Variants in CERT1 observed in about 807,000 individuals in gnomAD.
CERT1 encodes ceramide transporter 1, also known as ceramide transfer protein.
CERT1 carries 31 observed loss-of-function variants against 87.9 expected under a neutral mutation model. The ratio of observed to expected loss-of-function variants is 0.35; its 90% CI spans 0.27 to 0.48. CERT1 has a LOEUF of 0.48. Among genes scored for constraint, CERT1 ranks in the 20% least tolerant of loss-of-function variants. The probability of loss-of-function intolerance (pLI) is 0.99; values close to 1 mark genes in which losing one functional copy is unlikely to be tolerated. For synonymous variants in CERT1, 289 were observed against 250.9 expected, an observed-to-expected ratio of 1.15 and a Z score of -1.44; for missense variants, 487 against 758.0, an observed-to-expected ratio of 0.64 and a Z score of 4.20.
At chr5:75,398,242 A>G (rs1309301712) in intron 11 of CERT1, among the ~76,000 whole-genome samples, 5 of 152,224 alleles carry the variant, frequency 3.3e-5, no homozygotes, top group Admixed American at 2.0e-4. Context: ...TTATAAACAT[A>G]AAAATAATAG....
intron 5 of CERT1, among the ~76,000 whole-genome samples, chr5:75,424,444 T>C (rs1763515681): frequency 6.6e-6 from 1 of 151,776 alleles, no homozygotes; most frequent in African/African-American, 2.4e-5. Flanking sequence ...TGGTGGCACG[T>C]GCCTGTAATC....
downstream of CERT1, chr5:75,376,849 T>C (rs1174639213): frequency 6.6e-6 from 1 of 152,210 alleles, no homozygotes; most frequent in African/African-American, 2.4e-5. Flanking sequence ...ACAATAAATT[T>C]AGCTTTTGCA....
intron 15 of CERT1, among the ~76,000 whole-genome samples, chr5:75,381,478 C>T (rs1761582895): frequency 6.6e-6 from 1 of 151,756 alleles, no homozygotes; most frequent in African/African-American, 2.4e-5. Context: ...GCCTCAACCT[C>T]CAGAGTAGCT....
intron 3 of CERT1, among the ~76,000 whole-genome samples, chr5:75,451,835 G>GA (rs901858757): frequency 6.6e-6 from 1 of 152,156 alleles, no homozygotes; most frequent in South Asian, 2.1e-4. Flanking sequence ...CCTAAAATTA[G>GA]AAAAAACACA....
At chr5:75,492,495 G>T (rs1034476338) in intron 2 of CERT1, among the ~76,000 whole-genome samples, 4 of 152,130 alleles carry the variant, frequency 2.6e-5, no homozygotes, top group Non-Finnish European at 5.9e-5. Flanking sequence ...ACCAGAGGAG[G>T]AAAAGGCATT....
intron 2 of CERT1, among the ~76,000 whole-genome samples, chr5:75,481,831 A>C (rs1766262763): frequency 6.6e-6 from 1 of 152,110 alleles, no homozygotes; most frequent in South Asian, 2.1e-4. Context: ...TGACAATATT[A>C]CTGTGATTTT....
At chr5:75,495,723 AAT>A (rs1344795877) in intron 2 of CERT1, among the ~76,000 whole-genome samples, 1 of 152,214 alleles carries the variant, frequency 6.6e-6, no homozygotes, top group Admixed American at 6.5e-5. Context: ...CTGCAGATCC[AAT>A]ATAAAAAATA....
intron 3 of CERT1, among the ~76,000 whole-genome samples, chr5:75,437,701 G>A (rs973632297): frequency 6.6e-6 from 1 of 150,698 alleles, no homozygotes; most frequent in Non-Finnish European, 1.5e-5. Flanking sequence ...GGGAGGCAGA[G>A]GTTGCAGTAA....
downstream of CERT1, chr5:75,376,837 G>A (rs900563012): frequency 2.6e-5 from 4 of 151,988 alleles, no homozygotes; most frequent in South Asian, 2.1e-4. Flanking sequence ...AGTTAGTATC[G>A]GACAATAAAT....
chr5:75,459,693 G>A (rs750814064), intron 2 of CERT1, among the ~76,000 whole-genome samples: 12 of 151,970 alleles, frequency 7.9e-5, no homozygotes, highest in Admixed American at 2.0e-4. Flanking sequence ...GGCTGGGCAC[G>A]GTGGCTCATG....
At chr5:75,461,342 T>A (rs577226804) in intron 2 of CERT1, among the ~76,000 whole-genome samples, 1 of 152,332 alleles carries the variant, frequency 6.6e-6, no homozygotes, top group African/African-American at 2.4e-5. Flanking sequence ...TCGCTCCTTA[T>A]GAGAATCTAA....
At chr5:75,454,729 A>C (rs546938710) in intron 3 of CERT1, among the ~76,000 whole-genome samples, 2 of 152,328 alleles carry the variant, frequency 1.3e-5, no homozygotes, top group East Asian at 3.9e-4. Context: ...CGAAGAACTC[A>C]ATGTCGACCA....
At chr5:75,507,694 G>A (rs1767718223) in intron 1 of CERT1, among the ~76,000 whole-genome samples, 1 of 152,170 alleles carries the variant, frequency 6.6e-6, no homozygotes, top group South Asian at 2.1e-4. Context: ...AGTGGATATA[G>A]GATAAAATAG....
intron 17 of CERT1, chr5:75,371,962 T>C (rs1479309016): frequency 1.3e-5 from 2 of 152,208 alleles, no homozygotes; most frequent in African/African-American, 4.8e-5. Flanking sequence ...CTCAATCTGA[T>C]TGGGTGGGAT....
chr5:75,384,582 CTA>C (rs1167278651), intron 14 of CERT1, 58 bp downstream of exon 14: 1 of 1,184,744 alleles, frequency 8.4e-7, no homozygotes, highest in Non-Finnish European at 1.2e-6. Context: ...TTTAGAGAAT[CTA>C]TATGTCTGAG....
At chr5:75,495,076 C>T (rs1766994220) in intron 2 of CERT1, among the ~76,000 whole-genome samples, 1 of 152,212 alleles carries the variant, frequency 6.6e-6, no homozygotes, top group Non-Finnish European at 1.5e-5. Flanking sequence ...TAAGATTCAA[C>T]TGGTCATGGC....
At chr5:75,434,214 G>A (rs1485997898) in intron 3 of CERT1, among the ~76,000 whole-genome samples, 2 of 145,140 alleles carry the variant, frequency 1.4e-5, no homozygotes, top group Non-Finnish European at 3.0e-5. Context: ...TTATCATGAA[G>A]GGATGTTTAA....
chr5:75,461,838 CGA>C (rs1462417883), intron 2 of CERT1, among the ~76,000 whole-genome samples: 2 of 128,676 alleles, frequency 1.6e-5, no homozygotes, highest in East Asian at 2.4e-4. Flanking sequence ...AAAAAAAAAA[CGA>C]GAGAAGATGA....
intron 1 of CERT1, among the ~76,000 whole-genome samples, chr5:75,508,877 A>G (rs1767783510): frequency 6.6e-6 from 1 of 152,140 alleles, no homozygotes. Flanking sequence ...ACCATGAAGG[A>G]TGGAGGAAAT....
Sources: allele counts gnomAD v4.1 joint callset (sites outside exome capture counted in the v4.1 genomes callset), GRCh38; gene constraint gnomAD v4.1.1; transcripts MANE v1.5; gene names NCBI Gene and HGNC (gene_info 2026-07-23, HGNC 2026-07-21).